STX8: variants seen among roughly 807,000 people sequenced by gnomAD.
STX8 encodes the protein syntaxin 8, also known as syntaxin-8.
Under a neutral mutation model 37.5 loss-of-function variants are expected in STX8, and 23 were observed. The observed-to-expected ratio is 0.61, with a 90% CI of 0.44 to 0.87. The LOEUF (loss-of-function observed/expected upper bound fraction) is 0.87, where lower values mean the gene tolerates loss of function less well. STX8 is among the 40% of genes least tolerant of loss of function. The pLI is 0.00. For synonymous variants in STX8, 115 were observed against 99.1 expected (o/e 1.16, Z -0.95); for missense variants, 313 against 284.7 (o/e 1.10, Z -0.71).
At chr17:9,265,960 C>T (rs1216895748) in intron 7 of STX8, among the ~76,000 whole-genome samples, 1 of 152,140 alleles carries the variant, frequency 6.6e-6, no homozygotes, top group Non-Finnish European at 1.5e-5. Flanking sequence ...GAAAGGCACA[C>T]ACCCCCTTTC....
At chr17:9,496,687 T>A (rs1904418070) in intron 5 of STX8, among the ~76,000 whole-genome samples, 2 of 152,144 alleles carry the variant, frequency 1.3e-5, no homozygotes, top group African/African-American at 2.4e-5. Flanking sequence ...AGACGGGGGA[T>A]TAGCCTGGAT....
In STX8 at chr17:9,545,261, T is replaced by C. The variant is rs1056318530; in HGVS notation, c.234A>G (p.Arg78=). Residue 78 remains arginine, a synonymous_variant, in exon 4 of 8, where the codon CGA becomes CGG. Transcript: ENST00000306357. ...THQITQLEGD[R]RQNLLDDLVT... The stretch of plus-strand genomic sequence containing the variant: ...CAAGATCATCCAAGAGGTTCTGTCT[T>C]CGGTCCCCTTCAAGCTGTGTTCTGC... 1.9e-6 allele frequency: 3 copies of C among 1,613,958 alleles called. No individual in the cohort carries two copies. Among genetic ancestry groups the C allele is most frequent in the African/African-American group, 1.3e-5 (1 of 74,934 alleles).
chr17:9,575,738 G>T, intron 1 of STX8, 54 bp downstream of exon 1: 1 of 1,542,712 alleles, frequency 6.5e-7, no homozygotes, highest in Non-Finnish European at 8.8e-7. Flanking sequence ...CTCTCCGGAA[G>T]CCCGGCCTCC....
intron 7 of STX8, among the ~76,000 whole-genome samples, chr17:9,321,582 C>G (rs1164504138): frequency 2.6e-5 from 4 of 152,036 alleles, no homozygotes; most frequent in Non-Finnish European, 5.9e-5. Context: ...TACACTGGCG[C>G]AATCCCAGCT....
At chr17:9,479,448 C>T (rs547569149) in intron 6 of STX8, among the ~76,000 whole-genome samples, 2 of 151,548 alleles carry the variant, frequency 1.3e-5, no homozygotes, top group Admixed American at 6.6e-5. Flanking sequence ...GTAGGAGAAT[C>T]GCTTGAACCC....
chr17:9,471,997 T>C (rs537629679), intron 6 of STX8, among the ~76,000 whole-genome samples: 1 of 151,950 alleles, frequency 6.6e-6, no homozygotes, highest in Non-Finnish European at 1.5e-5. Flanking sequence ...GAGGGAGACA[T>C]GTACCTCTAT....
At chr17:9,336,762 A>AG (rs767615001) in intron 7 of STX8, among the ~76,000 whole-genome samples, 9 of 152,056 alleles carry the variant, frequency 5.9e-5, no homozygotes, top group Non-Finnish European at 8.8e-5. Context: ...GGGTATTTAG[A>AG]GGGGTAGTAA....
At chr17:9,349,640 G>A (rs1342919818) in intron 7 of STX8, among the ~76,000 whole-genome samples, 1 of 151,860 alleles carries the variant, frequency 6.6e-6, no homozygotes, top group Non-Finnish European at 1.5e-5. Flanking sequence ...TAATTTCTAA[G>A]TTAGGCACAG....
chr17:9,470,072 A>G (rs1302918528), intron 6 of STX8: 2 of 152,192 alleles, frequency 1.3e-5, no homozygotes, highest in Non-Finnish European at 1.5e-5. Context: ...TTTGATGTCA[A>G]TTCAGTTCCC....
intron 6 of STX8, among the ~76,000 whole-genome samples, chr17:9,472,136 C>G (rs1905895971): frequency 1.3e-5 from 2 of 150,714 alleles, no homozygotes; most frequent in Admixed American, 6.6e-5. Flanking sequence ...CCTGAGGCTG[C>G]TCCACTAAGA....
chr17:9,378,777 C>T (rs1911690541), intron 6 of STX8, 124 bp from the exon 7 acceptor site: 4 of 704,518 alleles, frequency 5.7e-6, no homozygotes, highest in Non-Finnish European at 1.0e-5. Context: ...AGGTACAGAA[C>T]TCATGTCGAT....
At chr17:9,322,895 T>C (rs1368738679) in intron 7 of STX8, among the ~76,000 whole-genome samples, 1 of 149,212 alleles carries the variant, frequency 6.7e-6, no homozygotes, top group Non-Finnish European at 1.5e-5. Context: ...CCATTCCTTT[T>C]ATGAGGAAAA....
At chr17:9,300,060 G>A (rs546075634) in intron 7 of STX8, among the ~76,000 whole-genome samples, 13 of 152,156 alleles carry the variant, frequency 8.5e-5, no homozygotes, top group African/African-American at 2.6e-4. Flanking sequence ...GGCAGGGTGC[G>A]GTGGCTCATG....
At chr17:9,505,227 A>G in intron 4 of STX8, 65 bp from the exon 5 acceptor site, 1 of 1,555,088 alleles carries the variant, frequency 6.4e-7, no homozygotes, top group Non-Finnish European at 8.7e-7. Flanking sequence ...AATTACTCCC[A>G]CAAGTGCAGA....
At chr17:9,449,763 G>A (rs1904976285) in intron 6 of STX8, among the ~76,000 whole-genome samples, 1 of 151,906 alleles carries the variant, frequency 6.6e-6, no homozygotes, top group Non-Finnish European at 1.5e-5. Flanking sequence ...CAAAACTTGA[G>A]GGACAGCAAA....
At chr17:9,401,236 G>T (rs1175844382) in intron 6 of STX8, among the ~76,000 whole-genome samples, 1 of 152,084 alleles carries the variant, frequency 6.6e-6, no homozygotes, top group Non-Finnish European at 1.5e-5. Context: ...CTATTTCTGG[G>T]TTCTTCCTCT....
At chr17:9,439,532 AT>A (rs750040200) in intron 6 of STX8, among the ~76,000 whole-genome samples, 253 of 130,960 alleles carry the variant, frequency 1.9e-3, no homozygotes, top group Admixed American at 2.0e-3. Context: ...CTGCCATATA[AT>A]TTTTTTTTTT....
chr17:9,492,872 G>A (rs939963081), intron 5 of STX8, among the ~76,000 whole-genome samples: 4 of 152,158 alleles, frequency 2.6e-5, no homozygotes, highest in African/African-American at 7.2e-5. Flanking sequence ...AAGGCGGGTG[G>A]ATCACGAGGT....
chr17:9,404,042 GTA>G (rs1912720673), intron 6 of STX8, among the ~76,000 whole-genome samples: 1 of 151,792 alleles, frequency 6.6e-6, no homozygotes, highest in Non-Finnish European at 1.5e-5. Context: ...AACATATTTT[GTA>G]TATGTTATAT....
Sources: allele counts gnomAD v4.1 joint callset (sites outside exome capture counted in the v4.1 genomes callset), GRCh38; gene constraint gnomAD v4.1.1; transcripts MANE v1.5; gene names NCBI Gene and HGNC (gene_info 2026-07-23, HGNC 2026-07-21).